Variants in NRCAM observed in about 807,000 individuals in gnomAD.
NRCAM encodes the protein NgCAM-related cell adhesion molecule.
NRCAM carries 83 observed loss-of-function variants against 156.5 expected under a neutral mutation model. The ratio of observed to expected loss-of-function variants is 0.53; its 90% CI spans 0.44 to 0.64. The LOEUF (loss-of-function observed/expected upper bound fraction) is 0.64, where lower values mean the gene tolerates loss of function less well. Ranked by LOEUF, NRCAM falls within the 30% of genes least tolerant of loss-of-function variation. The pLI, the probability that NRCAM is intolerant of heterozygous loss-of-function variation, is 0.00. For missense variants in NRCAM, 1,417 were observed against 1,597.3 expected (o/e 0.89, Z 1.92); for synonymous variants, 538 against 563.9 (o/e 0.95, Z 0.65).
At chr7:108,217,137 T>C (rs60231025) in intron 11 of NRCAM, among the ~76,000 whole-genome samples, 2,243 of 152,326 alleles carry the variant, frequency 0.015, 59 homozygotes, top group African/African-American at 0.05. Context: ...TGATGCTATT[T>C]CTTTCTGTTT....
At chr7:108,391,144 T>C (rs548744253) in intron 2 of NRCAM, among the ~76,000 whole-genome samples, 73 of 152,232 alleles carry the variant, frequency 4.8e-4, no homozygotes, top group African/African-American at 1.7e-3. Flanking sequence ...CTTTCTGTCT[T>C]GTTGATCTGT....
At chr7:108,206,758 G>A (rs2081362728) in intron 13 of NRCAM, among the ~76,000 whole-genome samples, 1 of 152,166 alleles carries the variant, frequency 6.6e-6, no homozygotes. Context: ...TGTAAAGCTG[G>A]CCTTTGCTAT....
chr7:108,316,439 G>A (rs1006663810), intron 2 of NRCAM, among the ~76,000 whole-genome samples: 1 of 152,062 alleles, frequency 6.6e-6, no homozygotes, highest in African/African-American at 2.4e-5. Context: ...TGAGACATTC[G>A]TGCTTGGTAT....
intron 3 of NRCAM, among the ~76,000 whole-genome samples, chr7:108,282,359 C>T (rs1006352141): frequency 3.9e-5 from 6 of 152,172 alleles, no homozygotes; most frequent in African/African-American, 9.7e-5. Flanking sequence ...GAAATCTATA[C>T]ACATTTTCTT....
At chr7:108,287,957 G>A (rs1563117992) in intron 3 of NRCAM, among the ~76,000 whole-genome samples, 2 of 152,042 alleles carry the variant, frequency 1.3e-5, no homozygotes, top group African/African-American at 4.8e-5. Context: ...GCAAAGTTAT[G>A]GAATCAACCT....
chr7:108,446,725 C>T (rs1188093396), intron 1 of NRCAM, among the ~76,000 whole-genome samples: 1 of 133,422 alleles, frequency 7.5e-6, no homozygotes, highest in Non-Finnish European at 1.5e-5. Context: ...GCATTTACAA[C>T]CTATGTCTTT....
intron 11 of NRCAM, among the ~76,000 whole-genome samples, chr7:108,215,667 C>T (rs1042336465): frequency 2.6e-5 from 4 of 151,586 alleles, no homozygotes; most frequent in African/African-American, 9.7e-5. Context: ...ATGTAATACC[C>T]TTGTCTTTTT....
At chr7:108,358,507 A>G (rs1348721541) in intron 2 of NRCAM, among the ~76,000 whole-genome samples, 2 of 151,464 alleles carry the variant, frequency 1.3e-5, no homozygotes, top group African/African-American at 2.4e-5. Context: ...TGTTGGTGAT[A>G]GGTTGGTAGG....
rs144626863 is a variant in NRCAM at position 108,434,840 on chromosome 7, T to G, written c.-332+21403A>C. ...AGTGGAGACATCAGCAATTGCACATTGCAGGGAAGACATGCCACAGATTTA... is the reference window on the plus strand; with the variant it reads ...AGTGGAGACATCAGCAATTGCACATGGCAGGGAAGACATGCCACAGATTTA... On this transcript the variant is annotated intron_variant, in intron 1 of 32. Transcript: ENST00000379028. 2.0e-3 allele frequency among the ~76,000 whole-genome samples: 306 copies of G among 152,210 alleles called. 1 individual carries two copies. Among genetic ancestry groups the G allele is most frequent in the African/African-American group, 7.1e-3 (293 of 41,546 alleles).
chr7:108,186,314 C>T (rs1206686982), intron 20 of NRCAM, among the ~76,000 whole-genome samples: 2 of 152,218 alleles, frequency 1.3e-5, no homozygotes, highest in Non-Finnish European at 2.9e-5. Context: ...GGAAGTCCAA[C>T]TGTCTGCTCG....
intron 3 of NRCAM, among the ~76,000 whole-genome samples, chr7:108,288,431 C>T (rs1322206141): frequency 6.6e-6 from 1 of 152,058 alleles, no homozygotes; most frequent in East Asian, 1.9e-4. Flanking sequence ...GCAATGGCTA[C>T]TCAAAGGTAT....
At chr7:108,251,785 C>T (rs1307252124) in intron 3 of NRCAM, among the ~76,000 whole-genome samples, 2 of 152,150 alleles carry the variant, frequency 1.3e-5, no homozygotes, top group Non-Finnish European at 2.9e-5. Context: ...GCAGTGGTTT[C>T]TGGGTGCCAT....
At chr7:108,343,764 A>G (rs1218226459) in intron 2 of NRCAM, among the ~76,000 whole-genome samples, 1 of 152,208 alleles carries the variant, frequency 6.6e-6, no homozygotes, top group Non-Finnish European at 1.5e-5. Flanking sequence ...TATTTACTAG[A>G]CCAGGCCTTT....
rs200009222 is a variant in NRCAM, at chr7:108,400,530, A to G, written c.-331-937T>C. On this transcript the variant is annotated intron_variant, in intron 1 of 32. Transcript: ENST00000379028. ...CCAATTCAATCAGAATCTCAGGTGGAATGGCACGCAACTGTCAATATTTTG... is the reference window on the plus strand; with the variant it reads ...CCAATTCAATCAGAATCTCAGGTGGGATGGCACGCAACTGTCAATATTTTG... Among the ~76,000 whole-genome samples the G allele has an allele frequency of 3.9e-5, 6 of 152,328 alleles. No homozygotes were observed. In the East Asian group the frequency reaches 1.2e-3, roughly 29 times the overall value.
chr7:108,227,268 T>G (rs1053459225), intron 8 of NRCAM, among the ~76,000 whole-genome samples: 1 of 152,234 alleles, frequency 6.6e-6, no homozygotes, highest in East Asian at 1.9e-4. Context: ...TTATTAGTAC[T>G]TCCCCTTAGG....
chr7:108,259,972 C>T (rs544272422), intron 3 of NRCAM, among the ~76,000 whole-genome samples: 88 of 152,320 alleles, frequency 5.8e-4, no homozygotes, highest in African/African-American at 1.4e-3. Flanking sequence ...CCTGCACATC[C>T]TTCACATGTA....
intron 3 of NRCAM, among the ~76,000 whole-genome samples, chr7:108,274,151 T>A (rs2097494475): frequency 6.6e-6 from 1 of 152,226 alleles, no homozygotes; most frequent in African/African-American, 2.4e-5. Context: ...AGCCTTGTAG[T>A]GTAGTTTGAA....
At chr7:108,272,086 T>C (rs1029804689) in intron 3 of NRCAM, among the ~76,000 whole-genome samples, 1 of 152,206 alleles carries the variant, frequency 6.6e-6, no homozygotes, top group Non-Finnish European at 1.5e-5. Flanking sequence ...AAATTTATAA[T>C]TCTGATCTTA....
chr7:108,364,348 A>C (rs1468937793), intron 2 of NRCAM, among the ~76,000 whole-genome samples: 1 of 152,234 alleles, frequency 6.6e-6, no homozygotes, highest in Non-Finnish European at 1.5e-5. Flanking sequence ...AGAAAAGCTG[A>C]CAATAGCAAG....
Sources: gnomAD v4.1 joint callset for allele counts (sites outside exome capture counted in the v4.1 genomes callset) on GRCh38, gnomAD v4.1.1 for gene constraint, MANE v1.5 for transcripts, NCBI Gene and HGNC (gene_info 2026-07-23, HGNC 2026-07-21) for gene names.